GATAD1: variants seen among roughly 807,000 people sequenced by gnomAD.
The protein encoded by GATAD1 is GATA zinc finger domain-containing protein 1.
In GATAD1, 12 loss-of-function variants were observed where a neutral mutation model predicts 26.5. The ratio of observed to expected loss-of-function variants is 0.45; its 90% CI spans 0.29 to 0.73. The LOEUF (loss-of-function observed/expected upper bound fraction) is 0.73, where lower values mean the gene tolerates loss of function less well. GATAD1 is among the 30% of genes least tolerant of loss of function. GATAD1 has a pLI of 0.10. For synonymous variants in GATAD1, 129 were observed against 133.1 expected, an observed-to-expected ratio of 0.97 and a Z score of 0.21; for missense variants, 266 against 342.1, an observed-to-expected ratio of 0.78 and a Z score of 1.75.
chr7:92,483,036 C>A, the GATAD1 span, among the ~76,000 whole-genome samples: 2 of 152,104 alleles, frequency 1.3e-5, no homozygotes, highest in Non-Finnish European at 1.5e-5. Context: ...CTGAAGTGAT[C>A]GGGCAGTGTC....
the GATAD1 span, chr7:92,494,686 A>C: frequency 7.1e-7 from 1 of 1,415,622 alleles, no homozygotes; most frequent in Non-Finnish European, 1.0e-6. Flanking sequence ...TGGCAAAGTG[A>C]TTTCATATAC....
At chr7:92,486,152 T>TGACA in the GATAD1 span, among the ~76,000 whole-genome samples, 1 of 152,196 alleles carries the variant, frequency 6.6e-6, no homozygotes, top group Non-Finnish European at 1.5e-5. Flanking sequence ...CCAGCTATAT[T>TGACA]GACAGCCTAC....
chr7:92,468,860 G>GACC, the GATAD1 span: 1 of 764,402 alleles, frequency 1.3e-6, no homozygotes, highest in Non-Finnish European at 2.4e-6. Flanking sequence ...TCAGATCGTG[G>GACC]GCTAGCAGGC....
At chr7:92,492,849 T>C in the GATAD1 span, 4 of 880,322 alleles carry the variant, frequency 4.5e-6, no homozygotes, top group Non-Finnish European at 7.8e-6. Flanking sequence ...TATACAGTTT[T>C]ACCAAAGTTG....
chr7:92,469,332 T>C, the GATAD1 span: 3 of 764,812 alleles, frequency 3.9e-6, no homozygotes, highest in Non-Finnish European at 7.2e-6. Flanking sequence ...GTTCTTGAGA[T>C]AGTTTGTAGT....
chr7:92,475,062 A>T, the GATAD1 span: 2 of 152,134 alleles, frequency 1.3e-5, no homozygotes, highest in Admixed American at 1.3e-4. Context: ...CACTTTTTAC[A>T]TAATTGTGAG....
downstream of GATAD1, among the ~76,000 whole-genome samples, chr7:92,461,734 C>G (rs1387815975): frequency 1.3e-5 from 2 of 152,140 alleles, 1 homozygote; most frequent in Admixed American, 1.3e-4. Context: ...TGGCAGGAAG[C>G]TTCCATTCCT....
chr7:92,478,566 T>G, the GATAD1 span, among the ~76,000 whole-genome samples: 1 of 152,138 alleles, frequency 6.6e-6, no homozygotes, highest in Non-Finnish European at 1.5e-5. Flanking sequence ...AAAGCCAGCA[T>G]GTTAATTGCA....
At chr7:92,470,070 G>C in the GATAD1 span, 7 of 778,674 alleles carry the variant, frequency 9.0e-6, no homozygotes, top group Non-Finnish European at 1.7e-5. Flanking sequence ...AAGTCCAACA[G>C]ACAGTGACTC....
At chr7:92,494,402 G>A in the GATAD1 span, 25 of 1,613,272 alleles carry the variant, frequency 1.5e-5, no homozygotes, top group South Asian at 2.0e-4. Context: ...AACACCTAGA[G>A]GAAAAAAGAA....
the GATAD1 span, among the ~76,000 whole-genome samples, chr7:92,479,920 C>T: frequency 6.6e-6 from 1 of 152,152 alleles, no homozygotes; most frequent in African/African-American, 2.4e-5. Flanking sequence ...TATTAAAGGA[C>T]TAAGATTTGG....
chr7:92,488,433 A>G, the GATAD1 span, among the ~76,000 whole-genome samples: 2 of 152,300 alleles, frequency 1.3e-5, no homozygotes, highest in South Asian at 2.1e-4. Flanking sequence ...AGGAATAAAC[A>G]TCTCTTAAAT....
At chr7:92,466,285 G>C in the GATAD1 span, among the ~76,000 whole-genome samples, 4 of 152,008 alleles carry the variant, frequency 2.6e-5, no homozygotes, top group Non-Finnish European at 4.4e-5. Context: ...TCCTACCTCA[G>C]CCTCCTGAGT....
In GATAD1 at chr7:92,447,857, G is replaced by T. The variant is rs1385942052; in HGVS notation, c.128G>T (p.Gly43Val). 5 of 1,376,622 alleles carry T rather than the reference G, an allele frequency of 3.6e-6. No homozygotes were observed. The highest frequency in any genetic ancestry group is 3.3e-5 in the Admixed American group (1 of 30,344). 85.3% of individuals were successfully genotyped at this position (1,376,622 alleles called of 1,614,324 possible). A position where few individuals can be genotyped will look rare whatever the true frequency, so the allele number is the denominator to read the frequency against. ...CTGRGGAGSG[G>V]AGSGAAGGTG... is the part of the protein sequence containing the mutation. Reference sequence around the variant, plus strand: ...GGCCGGGGCGGCGCGGGCAGCGGGGGCGCAGGCTCGGGGGCGGCTGGAGGG... The same window carrying T: ...GGCCGGGGCGGCGCGGGCAGCGGGGTCGCAGGCTCGGGGGCGGCTGGAGGG... Residue 43 changes from glycine (G) to valine (V), a missense_variant, in exon 1 of 5, where the codon GGC becomes GTC. Gly to Val is a moderately radical substitution (Grantham distance 109). Transcript: ENST00000287957.
the GATAD1 span, among the ~76,000 whole-genome samples, chr7:92,492,701 T>A: frequency 1.3e-5 from 2 of 152,216 alleles, no homozygotes; most frequent in Non-Finnish European, 2.9e-5. Context: ...TTAAATAATA[T>A]CCTTGCAAAC....
intron 3 of GATAD1, 59 bp from the exon 4 acceptor site, chr7:92,454,443 T>G (rs1789578838): frequency 7.6e-7 from 1 of 1,307,392 alleles, no homozygotes; most frequent in Non-Finnish European, 1.1e-6. Flanking sequence ...TAAGGTTCAT[T>G]CATAGCTGTG....
the GATAD1 span, chr7:92,489,775 T>C: frequency 4.3e-6 from 7 of 1,614,172 alleles, no homozygotes; most frequent in Non-Finnish European, 5.9e-6. Context: ...TTGATCTCTT[T>C]GTTCTTGTGT....
the GATAD1 span, chr7:92,489,521 G>T: frequency 2.6e-6 from 3 of 1,149,012 alleles, no homozygotes; most frequent in Non-Finnish European, 3.9e-6. Context: ...TTTTTCAAGA[G>T]ACCATACGTT....
At chr7:92,489,782 G>A in the GATAD1 span, 1 of 1,614,090 alleles carries the variant, frequency 6.2e-7, no homozygotes, top group Non-Finnish European at 8.5e-7. Context: ...CTTTGTTCTT[G>A]TGTAAGTTCT....
Sources: allele counts gnomAD v4.1 joint callset (sites outside exome capture counted in the v4.1 genomes callset), GRCh38; gene constraint gnomAD v4.1.1; transcripts MANE v1.5; gene names NCBI Gene and HGNC (gene_info 2026-07-23, HGNC 2026-07-21).